PBX3: variants seen among roughly 807,000 people sequenced by gnomAD.
PBX3 encodes pre-B-cell leukemia transcription factor 3.
In PBX3, 14 loss-of-function variants were observed where a neutral mutation model predicts 48.5. That is an observed-to-expected ratio of 0.29 (90% CI 0.19 to 0.45). The LOEUF is 0.45. Among genes scored for constraint, PBX3 ranks in the 20% least tolerant of loss-of-function variants. PBX3 has a pLI of 1.00. For missense variants in PBX3, 386 were observed against 546.7 expected, an observed-to-expected ratio of 0.71 and a Z score of 2.93; for synonymous variants, 210 against 200.3, an observed-to-expected ratio of 1.05 and a Z score of -0.41.
chr9:125,957,608 A>G (rs1413187178), intron 5 of PBX3, among the ~76,000 whole-genome samples: 1 of 152,234 alleles, frequency 6.6e-6, no homozygotes, highest in African/African-American at 2.4e-5. Flanking sequence ...ACTGTTAATA[A>G]AGCTGTAATC....
At chr9:125,820,329 A>T (rs1432217036) in intron 2 of PBX3, among the ~76,000 whole-genome samples, 3 of 152,224 alleles carry the variant, frequency 2.0e-5, no homozygotes, top group South Asian at 4.1e-4. Flanking sequence ...GGAATGTCTC[A>T]TGACAGTGCT....
chr9:125,880,342 C>T (rs1564153816), intron 2 of PBX3, among the ~76,000 whole-genome samples: 1 of 152,188 alleles, frequency 6.6e-6, no homozygotes, highest in African/African-American at 2.4e-5. Context: ...TGTTCTCAAC[C>T]GTCATTATTA....
intron 5 of PBX3, among the ~76,000 whole-genome samples, chr9:125,948,720 G>GTGTGTA (rs1554732476): frequency 6.7e-6 from 1 of 149,710 alleles, no homozygotes; most frequent in South Asian, 2.1e-4. Flanking sequence ...GTGTGTGTGT[G>GTGTGTA]TATATATATA....
intron 2 of PBX3, among the ~76,000 whole-genome samples, chr9:125,780,573 T>A (rs1837246101): frequency 7.8e-6 from 1 of 128,294 alleles, no homozygotes; most frequent in Admixed American, 7.8e-5. Flanking sequence ...GGCTCCTCAC[T>A]TCCCAGTAGG....
intron 5 of PBX3, among the ~76,000 whole-genome samples, chr9:125,957,519 CA>C (rs1842334928): frequency 6.6e-6 from 1 of 152,236 alleles, no homozygotes; most frequent in African/African-American, 2.4e-5. Flanking sequence ...TTGATTGGTC[CA>C]GGGGTATGCA....
At chr9:125,755,735 A>G (rs530368105) in intron 2 of PBX3, among the ~76,000 whole-genome samples, 28 of 148,512 alleles carry the variant, frequency 1.9e-4, no homozygotes, top group Non-Finnish European at 3.6e-4. Flanking sequence ...ATTGATTGAA[A>G]GGTCTAGAGA....
At chr9:125,919,275 G>A (rs750125248) in intron 3 of PBX3, among the ~76,000 whole-genome samples, 1 of 150,964 alleles carries the variant, frequency 6.6e-6, no homozygotes, top group South Asian at 2.1e-4. Flanking sequence ...GTGCAGTGGT[G>A]CAATCTCGGC....
At chr9:125,785,155 G>C (rs1182725613) in intron 2 of PBX3, among the ~76,000 whole-genome samples, 1 of 152,130 alleles carries the variant, frequency 6.6e-6, no homozygotes, top group Non-Finnish European at 1.5e-5. Context: ...ACAGACAAGC[G>C]CCTTGTGTCA....
chr9:125,955,790 A>G (rs1842293284), intron 5 of PBX3, among the ~76,000 whole-genome samples: 1 of 152,146 alleles, frequency 6.6e-6, no homozygotes, highest in Non-Finnish European at 1.5e-5. Flanking sequence ...TGAGATCATC[A>G]CCATCTTGCA....
In PBX3 at chr9:125,963,066, G is replaced by A; in HGVS notation, c.1177G>A (p.Gly393Arg). The A allele has an allele frequency of 6.2e-7, 1 of 1,609,832 alleles. No individual in the cohort carries two copies. The highest frequency in any genetic ancestry group is 1.1e-5 in the South Asian group (1 of 90,516). The change falls in exon 8 of 9, where the codon GGA (glycine) becomes AGA (arginine). Residue 393 changes from glycine to arginine, a missense_variant. Gly to Arg is a moderately radical substitution (Grantham distance 125). This residue lies in a region of PBX3 where 127 missense variants were observed against 143.3 expected (regional missense o/e 0.89). Coordinates refer to ENST00000373489, the MANE Select transcript of PBX3 (RefSeq NM_006195.6). ...GACGGGAGGCTACAGTGATGGCCTTGGAGGAAATTCACTGTACAGTCCACA... is the reference window on the plus strand; with the variant it reads ...GACGGGAGGCTACAGTGATGGCCTTAGAGGAAATTCACTGTACAGTCCACA... The part of the protein sequence containing the change: ...NQTGGYSDGL[G>R]GNSLYSPHNL...
At chr9:125,803,851 C>G (rs1344444776) in intron 2 of PBX3, among the ~76,000 whole-genome samples, 2 of 152,158 alleles carry the variant, frequency 1.3e-5, no homozygotes, top group East Asian at 3.9e-4. Context: ...AGAGTGTAGT[C>G]TTATGAACTC....
chr9:125,754,958 G>T (rs1423269165), intron 2 of PBX3, among the ~76,000 whole-genome samples: 1 of 152,036 alleles, frequency 6.6e-6, no homozygotes, highest in Non-Finnish European at 1.5e-5. Context: ...AAGCTGTTTA[G>T]ACAATAACTC....
At chr9:125,775,255 T>G (rs1288543568) in intron 2 of PBX3, among the ~76,000 whole-genome samples, 1 of 152,234 alleles carries the variant, frequency 6.6e-6, no homozygotes, top group East Asian at 1.9e-4. Context: ...CACTGTGGTT[T>G]TACTTTTCTT....
At chr9:125,879,303 G>A (rs570621881) in intron 2 of PBX3, among the ~76,000 whole-genome samples, 1 of 151,914 alleles carries the variant, frequency 6.6e-6, no homozygotes, top group Non-Finnish European at 1.5e-5. Flanking sequence ...GATCTCGATC[G>A]AACTCCTGAC....
At chr9:125,804,099 A>G (rs544256306) in intron 2 of PBX3, among the ~76,000 whole-genome samples, 1 of 152,278 alleles carries the variant, frequency 6.6e-6, no homozygotes, top group South Asian at 2.1e-4. Context: ...TCAGTAGCCT[A>G]CTCTCAGATC....
intron 3 of PBX3, among the ~76,000 whole-genome samples, chr9:125,918,300 T>C (rs1049813173): frequency 6.6e-6 from 1 of 152,196 alleles, no homozygotes; most frequent in African/African-American, 2.4e-5. Context: ...TTTAGAAATA[T>C]CCTACAAAAT....
intron 2 of PBX3, among the ~76,000 whole-genome samples, chr9:125,788,355 A>G (rs988271480): frequency 1.3e-5 from 2 of 152,216 alleles, no homozygotes; most frequent in East Asian, 1.9e-4. Context: ...AGTGTGCTCA[A>G]TGTTACAGTA....
At chr9:125,908,283 C>A (rs946165544) in intron 2 of PBX3, among the ~76,000 whole-genome samples, 1 of 151,920 alleles carries the variant, frequency 6.6e-6, no homozygotes, top group Non-Finnish European at 1.5e-5. Flanking sequence ...CACACGATGC[C>A]CTCAGTGTTA....
intron 2 of PBX3, among the ~76,000 whole-genome samples, chr9:125,844,012 G>T (rs1382107362): frequency 6.6e-6 from 1 of 151,970 alleles, no homozygotes; most frequent in East Asian, 1.9e-4. Context: ...AAAATGCAAA[G>T]ATTTGAGAAA....
Sources: gnomAD v4.1 joint callset for allele counts (sites outside exome capture counted in the v4.1 genomes callset) on GRCh38, gnomAD v4.1.1 for gene constraint, gnomAD v4.1.1 regional missense constraint, MANE v1.5 for transcripts, NCBI Gene and HGNC (gene_info 2026-07-23, HGNC 2026-07-21) for gene names.